METTL15: variants seen among roughly 807,000 people sequenced by gnomAD.
METTL15 encodes the protein methyltransferase 15, mitochondrial 12S rRNA N4-cytidine, also known as 12S rRNA N(4)-cytidine methyltransferase METTL15.
METTL15 carries 34 observed loss-of-function variants against 38.3 expected under a neutral mutation model. The observed-to-expected ratio is 0.89, with a 90% CI of 0.68 to 1.18. METTL15 has a LOEUF of 1.18. METTL15 is among the 50% of genes most tolerant of loss of function. METTL15 has a pLI of 0.00. For synonymous variants in METTL15, 162 were observed against 170.9 expected (o/e 0.95, Z 0.41); for missense variants, 438 against 498.4 (o/e 0.88, Z 1.15).
chr11:28,378,184 C>A lies in METTL15; in HGVS notation c.*358+16148C>A, dbSNP rs867636439. 2.6e-3 allele frequency among the ~76,000 whole-genome samples: 402 copies of A among 152,262 alleles called. 3 individuals carry two copies. Among genetic ancestry groups the A allele is most frequent in the South Asian group, 4.4e-3 (21 of 4,820 alleles). On this transcript the variant is annotated intron_variant and NMD_transcript_variant, in intron 5 of 7. Coordinates refer to the METTL15 transcript ENST00000532947. ...CTCCTTGAGCTGTGGTGGGCTCCAC[C>A]CAGTTCGAGCTTCCTGGCTCCTTTG...
intron 3 of METTL15, among the ~76,000 whole-genome samples, chr11:28,187,068 T>C (rs1404501496): frequency 6.6e-6 from 1 of 151,218 alleles, no homozygotes; most frequent in East Asian, 1.9e-4. Flanking sequence ...AACAAATCTT[T>C]CCTGGAAACT....
In METTL15 at chr11:28,297,825, T is replaced by C. The variant is rs561683192; in HGVS notation, c.778+894T>C. Among the ~76,000 whole-genome samples, 4 of 152,188 alleles carry C rather than the reference T, an allele frequency of 2.6e-5. No homozygotes were observed. In the East Asian group the frequency reaches 7.7e-4, roughly 29 times the overall value. On this transcript the variant is annotated intron_variant, in intron 6 of 6. Transcript: ENST00000407364. The stretch of plus-strand genomic sequence containing the variant: ...ACTTAAGTAAATTTTAAGAAGTTTT[T>C]AAAAAAGGAATATTTGTGTAACTTA...
chr11:28,380,997 C>CT (rs1223704410), intron 5 of METTL15, among the ~76,000 whole-genome samples: 1 of 152,022 alleles, frequency 6.6e-6, no homozygotes, highest in South Asian at 2.1e-4. Flanking sequence ...TGTCTTTGAT[C>CT]TTTTTTGTTT....
intron 5 of METTL15, among the ~76,000 whole-genome samples, chr11:28,420,144 G>A (rs1412590642): frequency 6.6e-6 from 1 of 152,086 alleles, no homozygotes; most frequent in African/African-American, 2.4e-5. Flanking sequence ...TCCAAACCTA[G>A]AGAAATATAT....
At chr11:28,399,175 C>T (rs1189939926) in intron 5 of METTL15, 1 of 151,816 alleles carries the variant, frequency 6.6e-6, no homozygotes, top group Admixed American at 6.6e-5. Context: ...CTTTGACAAA[C>T]CTGACAAAAA....
chr11:28,424,137 T>C (rs1277508664), intron 5 of METTL15, among the ~76,000 whole-genome samples: 1 of 152,202 alleles, frequency 6.6e-6, no homozygotes, highest in Non-Finnish European at 1.5e-5. Context: ...TCGTATGATG[T>C]TAATGTTCCA....
chr11:28,391,035 G>A (rs1392856080), intron 5 of METTL15, among the ~76,000 whole-genome samples: 1 of 152,134 alleles, frequency 6.6e-6, no homozygotes, highest in African/African-American at 2.4e-5. Context: ...CTGTTTGTCT[G>A]TTATTGGTGT....
chr11:28,221,323 A>C (rs886609855), intron 4 of METTL15, among the ~76,000 whole-genome samples: 1 of 152,084 alleles, frequency 6.6e-6, no homozygotes, highest in African/African-American at 2.4e-5. Context: ...ATCTTCCATC[A>C]CTGATACCCT....
chr11:28,281,604 T>C (rs1216885433), intron 4 of METTL15, among the ~76,000 whole-genome samples: 3 of 152,360 alleles, frequency 2.0e-5, no homozygotes, highest in African/African-American at 7.2e-5. Context: ...CAAGTTAAAC[T>C]GCTGTAAACA....
intron 6 of METTL15, among the ~76,000 whole-genome samples, chr11:28,305,379 T>A (rs994628652): frequency 2.0e-5 from 3 of 152,158 alleles, no homozygotes; most frequent in African/African-American, 7.2e-5. Flanking sequence ...TAACACTTAC[T>A]GAGCAAATAC....
chr11:28,289,948 A>G (rs1396058802), intron 4 of METTL15, among the ~76,000 whole-genome samples: 7 of 152,156 alleles, frequency 4.6e-5, no homozygotes, highest in South Asian at 2.1e-4. Context: ...ACTTATGAAT[A>G]TATTGTATCC....
intron 5 of METTL15, among the ~76,000 whole-genome samples, chr11:28,394,013 T>C (rs1850541659): frequency 6.6e-6 from 1 of 152,114 alleles, no homozygotes; most frequent in Non-Finnish European, 1.5e-5. Context: ...TAGTTTTAAA[T>C]GTATACAGTC....
chr11:28,355,081 A>G (rs1431086237), intron 4 of METTL15, among the ~76,000 whole-genome samples: 1 of 152,244 alleles, frequency 6.6e-6, no homozygotes, highest in African/African-American at 2.4e-5. Context: ...CACAGAGCAC[A>G]AAGTGTCCAC....
chr11:28,147,782 AAAC>A (rs1590811768), intron 3 of METTL15, among the ~76,000 whole-genome samples: 2 of 151,876 alleles, frequency 1.3e-5, no homozygotes, highest in African/African-American at 2.4e-5. Flanking sequence ...TCTAGCAAAA[AAAC>A]AACATTTTTA....
intron 6 of METTL15, among the ~76,000 whole-genome samples, chr11:28,505,560 A>G (rs1851621469): frequency 6.6e-6 from 1 of 152,228 alleles, no homozygotes; most frequent in Non-Finnish European, 1.5e-5. Context: ...CATTTTCTTC[A>G]TAGCTCTCTG....
At chr11:28,429,373 C>CTCCCTG (rs1806911640) in intron 6 of METTL15, among the ~76,000 whole-genome samples, 2 of 130,630 alleles carry the variant, frequency 1.5e-5, no homozygotes, top group Non-Finnish European at 3.3e-5. Context: ...CCCTCTCCCT[C>CTCCCTG]TCCCTCTCCC....
intron 3 of METTL15, among the ~76,000 whole-genome samples, chr11:28,132,915 G>T (rs1849386465): frequency 6.6e-6 from 1 of 152,054 alleles, no homozygotes; most frequent in African/African-American, 2.4e-5. Context: ...TTTTTAACAA[G>T]AAGATACATT....
At chr11:28,229,331 T>A (rs1176963661) in intron 4 of METTL15, among the ~76,000 whole-genome samples, 1 of 151,932 alleles carries the variant, frequency 6.6e-6, no homozygotes, top group Non-Finnish European at 1.5e-5. Flanking sequence ...TGTTTAAGAT[T>A]TGAGGCCTGG....
chr11:28,364,933 A>G (rs1363436326), intron 5 of METTL15, among the ~76,000 whole-genome samples: 1 of 152,112 alleles, frequency 6.6e-6, no homozygotes, highest in South Asian at 2.1e-4. Context: ...TATTTATATG[A>G]TCTTACGGTT....
Sources: gnomAD v4.1 joint callset for allele counts (sites outside exome capture counted in the v4.1 genomes callset) on GRCh38, gnomAD v4.1.1 for gene constraint, MANE v1.5 for transcripts, NCBI Gene and HGNC (gene_info 2026-07-23, HGNC 2026-07-21) for gene names.